LDAH: variants seen among roughly 807,000 people sequenced by gnomAD.
LDAH encodes the protein lipid droplet-associated hydrolase.
LDAH carries 26 observed loss-of-function variants against 29.6 expected under a neutral mutation model. The ratio of observed to expected loss-of-function variants is 0.88; its 90% CI spans 0.64 to 1.22. The LOEUF is 1.22. LDAH is among the 50% of genes most tolerant of loss of function. The pLI is 0.00. For missense variants in LDAH, 344 were observed against 387.3 expected (o/e 0.89, Z 0.94); for synonymous variants, 117 against 133.0 (o/e 0.88, Z 0.83).
In LDAH at chr2:20,818,862, C is replaced by T. The variant is rs148601145; in HGVS notation, c.-3+4175G>A. Among the ~76,000 whole-genome samples, 611 of 152,092 alleles carry T rather than the reference C, an allele frequency of 4.0e-3. 3 individuals carry two copies. The highest frequency in any genetic ancestry group is 0.014 in the African/African-American group (582 of 41,514). ...AAGTGGTAATGAGTGTATGTTACAC[C>T]AAGATTCTGTGTAGTTGTCTTTGCT... On this transcript the variant is annotated intron_variant, in intron 1 of 6. Coordinates refer to ENST00000237822, the MANE Select transcript of LDAH (RefSeq NM_021925.4).
intron 3 of LDAH, 143 bp downstream of exon 3, chr2:20,790,112 C>A (rs1670842181): frequency 1.3e-6 from 1 of 763,878 alleles, no homozygotes. Flanking sequence ...CTCTAAAAAT[C>A]CTAAGTTTAC....
intron 5 of LDAH, among the ~76,000 whole-genome samples, chr2:20,724,115 A>G (rs536363972): frequency 1.3e-5 from 2 of 152,274 alleles, no homozygotes; most frequent in African/African-American, 4.8e-5. Context: ...CCAATTCTCC[A>G]AGTACACATA....
At chr2:20,757,123 A>G (rs1455326110) in intron 4 of LDAH, among the ~76,000 whole-genome samples, 1 of 152,206 alleles carries the variant, frequency 6.6e-6, no homozygotes, top group Non-Finnish European at 1.5e-5. Context: ...AGGAGATTTG[A>G]AGGCTAAAAT....
chr2:20,756,727 C>T (rs902890486), intron 4 of LDAH, among the ~76,000 whole-genome samples: 85 of 152,072 alleles, frequency 5.6e-4, no homozygotes, highest in African/African-American at 2.0e-3. Flanking sequence ...TCAAGAAAAT[C>T]TTTTCTGAAA....
chr2:20,696,763 A>G (rs1663519728), intron 6 of LDAH, among the ~76,000 whole-genome samples: 1 of 152,316 alleles, frequency 6.6e-6, no homozygotes, highest in South Asian at 2.1e-4. Flanking sequence ...CAGGTGCCTC[A>G]TGAAACAGAG....
chr2:20,799,390 G>C (rs1192754292), intron 2 of LDAH, among the ~76,000 whole-genome samples: 1 of 151,924 alleles, frequency 6.6e-6, no homozygotes, highest in Admixed American at 6.6e-5. Context: ...TATATTCATG[G>C]GGTACATGTG....
Position 20,687,079 on chromosome 2 carries a change from C to T in LDAH, c.802G>A (p.Gly268Ser). Residue 268 changes from glycine to serine, a missense_variant, in exon 7 of 7, where the codon GGT (glycine) becomes AGT (serine). Physicochemically the swap from Gly to Ser is moderately conservative, Grantham distance 56. Coordinates refer to ENST00000237822, the MANE Select transcript of LDAH (RefSeq NM_021925.4). ...EHLCKLTFYY[G>S]TIDPWCPKEY... The stretch of plus-strand genomic sequence containing the variant: ...TTTGGACACCAAGGATCTATAGTAC[C>T]ATAATAAAATGTAAGCTGAAAGACA... The T allele has an allele frequency of 1.2e-6, 2 of 1,604,110 alleles. No homozygotes were observed. Among genetic ancestry groups the T allele is most frequent in the Non-Finnish European group, 1.7e-6 (2 of 1,176,036 alleles).
chr2:20,771,938 G>A (rs752042211), intron 4 of LDAH, among the ~76,000 whole-genome samples: 1 of 152,142 alleles, frequency 6.6e-6, no homozygotes, highest in African/African-American at 2.4e-5. Context: ...TTAAGTTCAC[G>A]TTTCATCTTT....
chr2:20,762,537 T>C (rs557064832), intron 4 of LDAH, among the ~76,000 whole-genome samples: 1 of 152,116 alleles, frequency 6.6e-6, no homozygotes, highest in African/African-American at 2.4e-5. Flanking sequence ...TAGTTAATTT[T>C]GATAACTGTT....
At chr2:20,765,471 G>A (rs1668966385) in intron 4 of LDAH, among the ~76,000 whole-genome samples, 1 of 152,102 alleles carries the variant, frequency 6.6e-6, no homozygotes, top group South Asian at 2.1e-4. Context: ...ATTCAACCCT[G>A]TTACCTTGTT....
chr2:20,755,048 A>AGATGTTCTTTAG (rs1668236541), intron 4 of LDAH, among the ~76,000 whole-genome samples: 1 of 152,094 alleles, frequency 6.6e-6, no homozygotes, highest in Non-Finnish European at 1.5e-5. Flanking sequence ...GAACATCTTA[A>AGATGTTCTTTAG]GGAGGTCTTT....
Position 20,684,757 on chromosome 2 carries a change from A to C in LDAH, c.*2146T>G, listed in dbSNP as rs1245990024. On this transcript the variant is annotated 3_prime_UTR_variant, in exon 7 of 7. Coordinates refer to ENST00000237822, the MANE Select transcript of LDAH (RefSeq NM_021925.4). ...AAAGCTCAATCGCTGAGCACTCGGT[A>C]ACTCTGCAGGAAGTTAAAACTTTCA... The C allele has an allele frequency of 1.1e-5, 12 of 1,067,318 alleles. No individual in the cohort carries two copies. Among genetic ancestry groups the C allele is most frequent in the East Asian group, 8.0e-5 (3 of 37,388 alleles). The allele number at this position is 1,067,318 out of a possible 1,614,324, so 66.1% of individuals were successfully genotyped here.
intron 5 of LDAH, among the ~76,000 whole-genome samples, chr2:20,719,455 C>A (rs1200170980): frequency 7.1e-6 from 1 of 141,586 alleles, no homozygotes; most frequent in African/African-American, 2.5e-5. Flanking sequence ...GAAAAACAGA[C>A]AAATAATGAG....
At chr2:20,811,848 C>T (rs2125144419) in intron 1 of LDAH, among the ~76,000 whole-genome samples, 1 of 152,188 alleles carries the variant, frequency 6.6e-6, no homozygotes, top group African/African-American at 2.4e-5. Context: ...TAGAGTTTGG[C>T]AGCTATCAAA....
intron 5 of LDAH, among the ~76,000 whole-genome samples, chr2:20,720,973 C>A (rs570879379): frequency 3.3e-5 from 5 of 152,108 alleles, no homozygotes; most frequent in African/African-American, 7.2e-5. Flanking sequence ...TTACCATATA[C>A]AAAAATCAAC....
chr2:20,756,323 C>T (rs1211244176), intron 4 of LDAH, among the ~76,000 whole-genome samples: 3 of 152,086 alleles, frequency 2.0e-5, no homozygotes, highest in Non-Finnish European at 4.4e-5. Flanking sequence ...GTGAGAGCCA[C>T]CGTGCCCAGC....
rs569070060 is a variant in LDAH, at chr2:20,823,067, T to G, written c.-33A>C. ...CACCTGGAAGGCTGCCCGCTCTCCC[T>G]GAGGGTCCTGGGAAGGCGGCACGAG... On this transcript the variant is annotated 5_prime_UTR_variant, in exon 1 of 7. Transcript: ENST00000237822. The G allele has an allele frequency of 7.9e-5, 12 of 152,478 alleles. No homozygotes were observed. Among genetic ancestry groups the G allele is most frequent in the African/African-American group, 2.9e-4 (12 of 41,566 alleles). The allele number at this position is 152,478 out of a possible 1,614,324, so 9.4% of individuals were successfully genotyped here.
At chr2:20,767,577 G>A (rs755999751) in intron 4 of LDAH, among the ~76,000 whole-genome samples, 19 of 152,234 alleles carry the variant, frequency 1.2e-4, no homozygotes, top group Non-Finnish European at 1.8e-4. Context: ...AGCAACCTGG[G>A]TGCCTTAGAT....
chr2:20,789,432 A>G (rs1232767181), intron 3 of LDAH: 7 of 1,443,618 alleles, frequency 4.8e-6, no homozygotes, highest in Admixed American at 2.9e-5. Flanking sequence ...TGAGAAATCA[A>G]TTTCCATTTT....
Sources: allele counts gnomAD v4.1 joint callset (sites outside exome capture counted in the v4.1 genomes callset), GRCh38; gene constraint gnomAD v4.1.1; transcripts MANE v1.5; gene names NCBI Gene and HGNC (gene_info 2026-07-23, HGNC 2026-07-21).